The following RFX7 variants were observed in gnomAD, a reference collection of about 807,000 sequenced individuals.
RFX7 encodes the protein DNA-binding protein RFX7.
Under a neutral mutation model 111.8 loss-of-function variants are expected in RFX7, and 26 were observed. The observed-to-expected ratio is 0.23, with a 90% CI of 0.17 to 0.32. The LOEUF is 0.32. RFX7 is among the 10% of genes least tolerant of loss of function. The probability of loss-of-function intolerance (pLI) is 1.00; values close to 1 mark genes in which losing one functional copy is unlikely to be tolerated. For missense variants in RFX7, 1,573 were observed against 1,772.9 expected (o/e 0.89, Z 2.02); for synonymous variants, 624 against 624.4 (o/e 1.00, Z 0.01).
intron 2 of RFX7, among the ~76,000 whole-genome samples, chr15:56,235,179 GTT>G (rs200007759): frequency 1.5e-4 from 22 of 145,688 alleles, no homozygotes; most frequent in East Asian, 2.0e-4. Context: ...CTCGTTTGTT[GTT>G]TTTTTTTTTT....
Position 56,093,573 on chromosome 15 carries a change from C to T in RFX7, c.4155G>A (p.Arg1385=). The change falls in exon 10 of 10, where the codon AGG becomes AGA. Residue 1385 remains arginine (R), a synonymous_variant. Transcript: ENST00000559447. ...TGCTGCCTGAGAGCTCAGAAGACAA[C>T]CTGATATCGCTAGAGAAATCAGATG... ...NTASDFSSDI[R]LSSELSGSIN... 1.9e-6 allele frequency: 3 copies of T among 1,613,666 alleles called. No homozygotes were observed. Among genetic ancestry groups the T allele is most frequent in the African/African-American group, 1.3e-5 (1 of 75,030 alleles).
At chr15:56,160,802 A>G (rs2042711394) in intron 3 of RFX7, 1 of 151,918 alleles carries the variant, frequency 6.6e-6, no homozygotes, top group African/African-American at 2.4e-5. Context: ...TGAGGACTCT[A>G]TTTTCCATGC....
intron 2 of RFX7, among the ~76,000 whole-genome samples, chr15:56,197,500 C>T (rs1353386418): frequency 6.6e-6 from 1 of 151,934 alleles, no homozygotes; most frequent in Non-Finnish European, 1.5e-5. Flanking sequence ...TTCTGGATTC[C>T]ATGTGTGATG....
chr15:56,163,882 G>T (rs2042753265), intron 3 of RFX7, among the ~76,000 whole-genome samples: 1 of 152,064 alleles, frequency 6.6e-6, no homozygotes, highest in African/African-American at 2.4e-5. Context: ...ACCATTATGG[G>T]TCCCCAACCC....
At chr15:56,182,830 T>G (rs1446115013) in intron 2 of RFX7, among the ~76,000 whole-genome samples, 1 of 152,170 alleles carries the variant, frequency 6.6e-6, no homozygotes, top group Non-Finnish European at 1.5e-5. Context: ...CATATACCTG[T>G]AAGAATTTCT....
intron 3 of RFX7, among the ~76,000 whole-genome samples, chr15:56,152,164 G>A (rs1207915236): frequency 6.6e-6 from 1 of 152,138 alleles, no homozygotes. Context: ...AATTAACAAG[G>A]ATATTCAGGA....
intron 2 of RFX7, among the ~76,000 whole-genome samples, chr15:56,239,521 C>A (rs1232897343): frequency 6.6e-6 from 1 of 152,118 alleles, no homozygotes; most frequent in Non-Finnish European, 1.5e-5. Flanking sequence ...CCCGCCTCAG[C>A]CTCCCAGAGT....
intron 5 of RFX7, among the ~76,000 whole-genome samples, chr15:56,129,375 C>CAA (rs144104993): frequency 2.4e-4 from 22 of 92,948 alleles, no homozygotes; most frequent in Admixed American, 1.1e-3. Context: ...GACTCCCCCT[C>CAA]AAAAAAAAAA....
intron 5 of RFX7, among the ~76,000 whole-genome samples, chr15:56,111,550 C>T (rs1429728702): frequency 3.3e-5 from 5 of 149,516 alleles, no homozygotes; most frequent in Non-Finnish European, 7.4e-5. Flanking sequence ...AACCAGAGAC[C>T]TTTGTTCACT....
chr15:56,174,150 C>T (rs999004387), intron 3 of RFX7, among the ~76,000 whole-genome samples: 9 of 151,900 alleles, frequency 5.9e-5, no homozygotes, highest in East Asian at 2.0e-4. Flanking sequence ...TGGTGGTGAG[C>T]GCCTATAATC....
intron 2 of RFX7, among the ~76,000 whole-genome samples, chr15:56,198,738 T>C (rs980956138): frequency 1.4e-4 from 22 of 152,176 alleles, no homozygotes; most frequent in African/African-American, 5.3e-4. Context: ...CCCTTCAAAA[T>C]AACCAATGAA....
chr15:56,140,091 G>A (rs1395847936), intron 5 of RFX7, among the ~76,000 whole-genome samples: 5 of 152,194 alleles, frequency 3.3e-5, no homozygotes, highest in Non-Finnish European at 5.9e-5. Context: ...CCTGCCCCCA[G>A]AGGTGGAGCC....
At position 56,087,899 on chromosome 15, in the gene RFX7, A is replaced by G. The variant is rs1036146686; in HGVS notation, c.*5446T>C. 1.0e-5 allele frequency: 3 copies of G among 293,256 alleles called. No homozygotes were observed. The highest frequency in any genetic ancestry group is 1.3e-5 in the Non-Finnish European group (2 of 148,196). The allele number at this position is 293,256 out of a possible 1,614,324, so 18.2% of individuals were successfully genotyped here. The stretch of plus-strand genomic sequence containing the variant: ...AAGTGATTTAAACATAAATATGACT[A>G]GAGTATACCTGTATGAAATATGCTT... On this transcript the variant is annotated 3_prime_UTR_variant, in exon 10 of 10. Coordinates refer to ENST00000559447, the MANE Select transcript of RFX7 (RefSeq NM_022841.7).
chr15:56,099,428 C>G (rs1213204466), intron 8 of RFX7, among the ~76,000 whole-genome samples: 1 of 152,134 alleles, frequency 6.6e-6, no homozygotes, highest in Admixed American at 6.6e-5. Flanking sequence ...TCAAATCCAG[C>G]TCCAGTTGTT....
intron 2 of RFX7, among the ~76,000 whole-genome samples, chr15:56,235,872 A>AT (rs1225856570): frequency 2.6e-5 from 4 of 152,010 alleles, no homozygotes; most frequent in African/African-American, 7.3e-5. Flanking sequence ...CAGATAATTT[A>AT]TTTTTTTTAT....
At chr15:56,100,105 G>T (rs1241512744) in intron 8 of RFX7, among the ~76,000 whole-genome samples, 8 of 152,208 alleles carry the variant, frequency 5.3e-5, no homozygotes, top group Admixed American at 5.2e-4. Flanking sequence ...ATTGAGTGAA[G>T]CTGGGCTTTG....
chr15:56,112,695 T>C (rs1473643047), intron 5 of RFX7, among the ~76,000 whole-genome samples: 5 of 152,066 alleles, frequency 3.3e-5, no homozygotes, highest in Non-Finnish European at 5.9e-5. Context: ...CAAAAGAAAC[T>C]ATCATCAGAG....
chr15:56,197,963 A>G (rs2141175317), intron 2 of RFX7, among the ~76,000 whole-genome samples: 2 of 152,278 alleles, frequency 1.3e-5, no homozygotes, highest in Middle Eastern at 6.8e-3. Context: ...TTGTGATGTT[A>G]TAAATATCAT....
chr15:56,093,645 G>A lies in RFX7; in HGVS notation c.4083C>T (p.Thr1361=). 2 of 1,613,780 alleles carry A rather than the reference G, an allele frequency of 1.2e-6. No individual in the cohort carries two copies. The highest frequency in any genetic ancestry group is 1.7e-6 in the Non-Finnish European group (2 of 1,179,824). ...KDLLSGDSLQ[T]NQQLVGQGAS... is the part of the protein sequence containing the mutation. ...CTCCCTGACCTACCAGCTGCTGGTT[G>A]GTTTGCAAGCTGTCTCCACTCAACA... is the stretch of plus-strand genomic sequence containing the variant. The change falls in exon 10 of 10, where the codon ACC becomes ACT. Residue 1361 remains threonine (T), a synonymous_variant. Coordinates refer to ENST00000559447, the MANE Select transcript of RFX7 (RefSeq NM_022841.7).
Sources: allele counts gnomAD v4.1 joint callset (sites outside exome capture counted in the v4.1 genomes callset), GRCh38; gene constraint gnomAD v4.1.1; transcripts MANE v1.5; gene names NCBI Gene and HGNC (gene_info 2026-07-23, HGNC 2026-07-21).